The following MTUS2 variants were observed in gnomAD, a reference collection of about 807,000 sequenced individuals.
MTUS2 encodes the protein microtubule associated scaffold protein 2, also known as microtubule-associated tumor suppressor candidate 2.
MTUS2 carries 40 observed loss-of-function variants against 114.1 expected under a neutral mutation model. That is an observed-to-expected ratio of 0.35 (90% CI 0.27 to 0.46). The LOEUF (loss-of-function observed/expected upper bound fraction) is 0.46. Ranked by LOEUF, MTUS2 falls within the 20% of genes least tolerant of loss-of-function variation. MTUS2 has a pLI of 1.00. For missense variants in MTUS2, 1,679 were observed against 1,705.4 expected, an observed-to-expected ratio of 0.98 and a Z score of 0.27; for synonymous variants, 688 against 672.0, an observed-to-expected ratio of 1.02 and a Z score of -0.37.
chr13:29,378,291 TAAA>T (rs202110096), intron 8 of MTUS2, among the ~76,000 whole-genome samples: 1 of 110,850 alleles, frequency 9.0e-6, no homozygotes, highest in East Asian at 3.5e-4. Flanking sequence ...TATAATAAAT[TAAA>T]AAAAGAAAAA....
intron 9 of MTUS2, among the ~76,000 whole-genome samples, chr13:29,442,367 A>T (rs971459509): frequency 1.3e-5 from 2 of 152,220 alleles, no homozygotes; most frequent in Admixed American, 6.5e-5. Flanking sequence ...AACTGAACAT[A>T]AATGGAAAGA....
chr13:29,428,876 C>T (rs996212242), intron 8 of MTUS2: 11 of 1,614,112 alleles, frequency 6.8e-6, no homozygotes, highest in South Asian at 1.1e-5. Flanking sequence ...TTATAACTGC[C>T]TTCAGTGCCT....
Position 29,371,985 on chromosome 13 carries a change from CCCACA to C in MTUS2, c.3117+12514_3117+12518del, listed in dbSNP as rs57547866. 5.0e-4 allele frequency among the ~76,000 whole-genome samples: 27 copies of C among 54,156 alleles called. 4 individuals are homozygous for C. Among genetic ancestry groups the C allele is most frequent in the Non-Finnish European group, 7.8e-4 (17 of 21,862 alleles). The allele number at this position is 54,156 out of a possible 152,430, so 35.5% of individuals were successfully genotyped here. Reference sequence around the variant, plus strand: ...AGTGTCCTCAACCCCCGCCCCCCCCCCCACACACACACACAAGCACAAAAGGTAAC... The same window carrying C: ...AGTGTCCTCAACCCCCGCCCCCCCCCCACACACACAAGCACAAAAGGTAAC... On this transcript the variant is annotated intron_variant, in intron 8 of 15. Coordinates refer to ENST00000612955, the MANE Select transcript of MTUS2 (RefSeq NM_001033602.4).
chr13:29,217,180 C>T (rs1038117988), intron 5 of MTUS2, among the ~76,000 whole-genome samples: 1 of 152,088 alleles, frequency 6.6e-6, no homozygotes, highest in Non-Finnish European at 1.5e-5. Context: ...TTTTACTATA[C>T]ATATTTGTAC....
intron 4 of MTUS2, among the ~76,000 whole-genome samples, chr13:29,095,790 G>A (rs1266520091): frequency 3.8e-5 from 3 of 79,546 alleles, no homozygotes; most frequent in African/African-American, 1.2e-4. Context: ...TAGTTATTTT[G>A]CTTTTTTAAC....
intron 11 of MTUS2, among the ~76,000 whole-genome samples, chr13:29,491,071 G>A (rs1429520869): frequency 6.6e-6 from 1 of 150,950 alleles, no homozygotes; most frequent in Non-Finnish European, 1.5e-5. Flanking sequence ...ATGGGGATGT[G>A]GGAGTGTGTG....
chr13:29,061,429 T>C (rs894489186), intron 4 of MTUS2, among the ~76,000 whole-genome samples: 1 of 152,236 alleles, frequency 6.6e-6, no homozygotes, highest in African/African-American at 2.4e-5. Context: ...AGCTGTTCTT[T>C]CCTCAAAAGT....
At chr13:29,225,525 C>T (rs1406453649) in intron 5 of MTUS2, among the ~76,000 whole-genome samples, 1 of 152,108 alleles carries the variant, frequency 6.6e-6, no homozygotes, top group Non-Finnish European at 1.5e-5. Context: ...TATCATGATC[C>T]ACCAGCTGAA....
rs757418194 is a variant in MTUS2 at position 29,034,136 on chromosome 13, C to T, written c.2446+11C>T. On this transcript the variant is annotated intron_variant, in intron 4 of 15. Transcript: ENST00000612955. The stretch of plus-strand genomic sequence containing the variant: ...GTTCCGATCCTTCAGGTAACCGATC[C>T]AACAGTTTCTGCCTTTTCCTGCTGT... The T allele has an allele frequency of 1.1e-5, 18 of 1,613,412 alleles. No individual in the cohort carries two copies. The South Asian group carries it at 2.0e-4, about 18-fold the overall frequency.
At chr13:29,052,903 G>A (rs1341497321) in intron 4 of MTUS2, among the ~76,000 whole-genome samples, 2 of 152,090 alleles carry the variant, frequency 1.3e-5, no homozygotes, top group African/African-American at 4.8e-5. Flanking sequence ...TCTTGTGATA[G>A]TGAGTTAGTT....
intron 2 of MTUS2, among the ~76,000 whole-genome samples, chr13:28,995,998 GT>G (rs1267252249): frequency 8.5e-5 from 13 of 152,152 alleles, no homozygotes; most frequent in African/African-American, 3.1e-4. Context: ...AATGCTTCCA[GT>G]TTTTGTCCAT....
At chr13:29,155,616 T>A (rs1386403638) in intron 5 of MTUS2, among the ~76,000 whole-genome samples, 1 of 152,178 alleles carries the variant, frequency 6.6e-6, no homozygotes, top group Non-Finnish European at 1.5e-5. Flanking sequence ...CTGTAAATTA[T>A]AATATCCATA....
In MTUS2 at chr13:29,057,514, T is replaced by C. The variant is rs573129345; in HGVS notation, c.2446+23389T>C. On this transcript the variant is annotated intron_variant, in intron 4 of 15. Transcript: ENST00000612955. ...TGCATATGTATTTAGGATAGTTAGG[T>C]CTTCTCATTGAACTGAATCCTCTGC... 2.1e-4 allele frequency among the ~76,000 whole-genome samples: 32 copies of C among 152,290 alleles called. No homozygotes were observed. In the South Asian group the frequency reaches 6.6e-3, roughly 32 times the overall value.
chr13:29,098,426 T>G (rs961827926), intron 4 of MTUS2, among the ~76,000 whole-genome samples: 8 of 149,982 alleles, frequency 5.3e-5, no homozygotes, highest in African/African-American at 2.0e-4. Context: ...TGGGGCAAGG[T>G]ATACTTTTGC....
At chr13:29,290,889 A>G (rs1898683848) in intron 6 of MTUS2, among the ~76,000 whole-genome samples, 1 of 152,228 alleles carries the variant, frequency 6.6e-6, no homozygotes, top group African/African-American at 2.4e-5. Context: ...AGCACAAAGC[A>G]GGCTCTCAAC....
intron 2 of MTUS2, among the ~76,000 whole-genome samples, chr13:28,847,859 G>A (rs960900318): frequency 4.6e-5 from 7 of 152,126 alleles, no homozygotes; most frequent in South Asian, 2.1e-4. Context: ...GGGCGCCAAC[G>A]TTATGCAAAG....
At chr13:29,175,492 T>A (rs1442787043) in intron 5 of MTUS2, among the ~76,000 whole-genome samples, 1 of 152,204 alleles carries the variant, frequency 6.6e-6, no homozygotes, top group African/African-American at 2.4e-5. Flanking sequence ...GGCTAAAAAT[T>A]GCTTTAGGAT....
intron 1 of MTUS2, 97 bp downstream of exon 1, chr13:28,820,708 C>G (rs1037633920): frequency 1.3e-5 from 2 of 152,310 alleles, no homozygotes; most frequent in African/African-American, 4.8e-5. Context: ...TTGGGGAGCG[C>G]GCAGCCGGGC....
chr13:29,438,117 CACTA>C (rs1208937231), intron 8 of MTUS2, among the ~76,000 whole-genome samples: 1 of 152,164 alleles, frequency 6.6e-6, no homozygotes, highest in Non-Finnish European at 1.5e-5. Flanking sequence ...AAATGCTGGA[CACTA>C]ACTACATCAC....
Sources: gnomAD v4.1 joint callset for allele counts (sites outside exome capture counted in the v4.1 genomes callset) on GRCh38, gnomAD v4.1.1 for gene constraint, MANE v1.5 for transcripts, NCBI Gene and HGNC (gene_info 2026-07-23, HGNC 2026-07-21) for gene names.